The following CLECL1 variants were observed in gnomAD, a reference collection of about 807,000 sequenced individuals.
CLECL1 encodes the protein C-type lectin-like domain family 1.
At chr12:9,719,542 CAAAA>C (rs1455769955), downstream of CLECL1, among the ~76,000 whole-genome samples, 14 of 151,874 alleles carry the variant, frequency 9.2e-5, no homozygotes, top group East Asian at 2.7e-3. Flanking sequence ...AAAAACAAAA[CAAAA>C]AGAAAGAGAA....
At chr12:9,717,904 T>C (rs1037857588), downstream of CLECL1, among the ~76,000 whole-genome samples, 2 of 152,108 alleles carry the variant, frequency 1.3e-5, no homozygotes, top group African/African-American at 4.8e-5. Flanking sequence ...GCATTATAAA[T>C]TCTACATTAT....
At chr12:9,716,602 C>T in exon 3 of CLECL1, 2 of 253,304 alleles carry the variant, frequency 7.9e-6, no homozygotes, top group Non-Finnish European at 1.5e-5. Context: ...CTGCCACGAA[C>T]TTGTCCCATT....
At chr12:9,716,134 C>T (rs1866237311) in exon 3 of CLECL1, 1 of 152,534 alleles carries the variant, frequency 6.6e-6, no homozygotes, top group African/African-American at 2.4e-5. Flanking sequence ...CTCCCCACAT[C>T]TCCTTTCTGG....
the CLECL1 span, among the ~76,000 whole-genome samples, chr12:9,707,902 T>G: frequency 2.0e-5 from 3 of 152,208 alleles, no homozygotes; most frequent in African/African-American, 7.2e-5. Context: ...AAATGAGCAT[T>G]TGGCTCAGTC....
the CLECL1 span, chr12:9,704,271 G>A: frequency 6.6e-6 from 1 of 152,068 alleles, no homozygotes; most frequent in African/African-American, 2.4e-5. Flanking sequence ...ATATAATTAT[G>A]ACACTTTCTT....
At chr12:9,713,152 G>A (rs1023313843), downstream of CLECL1, among the ~76,000 whole-genome samples, 6 of 152,300 alleles carry the variant, frequency 3.9e-5, no homozygotes, top group Admixed American at 2.6e-4. Flanking sequence ...TGCATGCACC[G>A]GTGGTCAGAG....
the CLECL1 span, among the ~76,000 whole-genome samples, chr12:9,704,572 G>A: frequency 6.6e-6 from 1 of 151,998 alleles, no homozygotes; most frequent in Non-Finnish European, 1.5e-5. Flanking sequence ...ACCCTCTGCT[G>A]TTTGGTAGGC....
chr12:9,704,627 A>G, the CLECL1 span, among the ~76,000 whole-genome samples: 15 of 152,122 alleles, frequency 9.9e-5, no homozygotes, highest in Admixed American at 8.5e-4. Context: ...TGTTCTCATC[A>G]TTTAGCTCTC....
At chr12:9,706,807 A>C in the CLECL1 span, among the ~76,000 whole-genome samples, 9 of 152,114 alleles carry the variant, frequency 5.9e-5, no homozygotes, top group Non-Finnish European at 1.2e-4. Flanking sequence ...TATTGGCCTG[A>C]AGTTGTCTTT....
intron 1 of CLECL1, 43 bp downstream of exon 1, chr12:9,732,906 T>C: frequency 6.9e-7 from 1 of 1,449,430 alleles, no homozygotes; most frequent in Non-Finnish European, 9.4e-7. Flanking sequence ...AGGAGATAAC[T>C]AGTAAAATCT....
chr12:9,733,391 A>C (rs764561060), upstream of CLECL1: 4 of 612,118 alleles, frequency 6.5e-6, no homozygotes, highest in Admixed American at 1.2e-4. Flanking sequence ...GTTCAGGCAT[A>C]TATTCTCTGG....
the CLECL1 span, among the ~76,000 whole-genome samples, chr12:9,703,195 G>T: frequency 1.3e-5 from 2 of 152,148 alleles, no homozygotes; most frequent in Non-Finnish European, 2.9e-5. Flanking sequence ...TAAAGTTATT[G>T]TTCCTTTAAA....
chr12:9,729,224 G>C (rs1866416445), intron 2 of CLECL1, among the ~76,000 whole-genome samples: 1 of 152,056 alleles, frequency 6.6e-6, no homozygotes, highest in African/African-American at 2.4e-5. Context: ...TAGCAGATAT[G>C]AATAAGCATA....
chr12:9,704,978 A>T, the CLECL1 span, among the ~76,000 whole-genome samples: 1 of 152,190 alleles, frequency 6.6e-6, no homozygotes, highest in Non-Finnish European at 1.5e-5. Flanking sequence ...GTCTTTGAGA[A>T]ATTGCCATAC....
downstream of CLECL1, among the ~76,000 whole-genome samples, chr12:9,719,264 C>A (rs1023074770): frequency 6.6e-6 from 1 of 152,166 alleles, no homozygotes; most frequent in Non-Finnish European, 1.5e-5. Context: ...TGTTGGCTCA[C>A]GCTTGTAATC....
At chr12:9,733,126 T>C (rs1866473655), upstream of CLECL1, 1 of 1,614,174 alleles carries the variant, frequency 6.2e-7, no homozygotes, top group Middle Eastern at 1.6e-4. Flanking sequence ...TAAATTGAGA[T>C]GGCAAATTTC....
the CLECL1 span, among the ~76,000 whole-genome samples, chr12:9,703,273 T>A: frequency 6.6e-6 from 1 of 152,338 alleles, no homozygotes; most frequent in African/African-American, 2.4e-5. Context: ...TTAAATGTTG[T>A]TCCTCCATTG....
At chr12:9,705,364 C>T in the CLECL1 span, among the ~76,000 whole-genome samples, 1 of 152,022 alleles carries the variant, frequency 6.6e-6, no homozygotes, top group African/African-American at 2.4e-5. Context: ...GTTGTTTACT[C>T]TGTTGATAGT....
exon 4 of CLECL1, chr12:9,722,736 T>A (rs752556884): frequency 6.2e-7 from 1 of 1,613,958 alleles, no homozygotes; most frequent in East Asian, 2.2e-5. Flanking sequence ...GTTTCAGCAA[T>A]CCAGTAACAT....
Sources: gnomAD v4.1 joint callset for allele counts (sites outside exome capture counted in the v4.1 genomes callset) on GRCh38, gnomAD v4.1.1 for gene constraint, MANE v1.5 for transcripts, NCBI Gene and HGNC (gene_info 2026-07-23, HGNC 2026-07-21) for gene names.